Variants in DNAH6 observed in about 807,000 individuals in gnomAD.
DNAH6 encodes the protein dynein axonemal heavy chain 6.
Under a neutral mutation model 491.4 loss-of-function variants are expected in DNAH6, and 340 were observed. That is an observed-to-expected ratio of 0.69 (90% confidence interval 0.63 to 0.76). DNAH6 has a LOEUF of 0.76. Among genes scored for constraint, DNAH6 ranks in the 30% least tolerant of loss-of-function variants. DNAH6 has a pLI of 0.00. For missense variants in DNAH6, 4,443 were observed against 4,972.2 expected, an observed-to-expected ratio of 0.89 and a Z score of 3.20; for synonymous variants, 1,603 against 1,686.1, an observed-to-expected ratio of 0.95 and a Z score of 1.21.
At chr2:84,533,696 A>G (rs1257871397) in intron 4 of DNAH6, among the ~76,000 whole-genome samples, 2 of 152,204 alleles carry the variant, frequency 1.3e-5, no homozygotes, top group African/African-American at 4.8e-5. Flanking sequence ...AAATTTAACC[A>G]AAGAGCTGAT....
rs185058691 is a variant in DNAH6, at chr2:84,699,333, C to T, written c.7678-261C>T. 1.0e-3 allele frequency among the ~76,000 whole-genome samples: 153 copies of T among 152,290 alleles called. 1 individual carries two copies. The highest frequency in any genetic ancestry group is 3.6e-3 in the African/African-American group (148 of 41,576). On this transcript the variant is annotated intron_variant, in intron 47 of 76. Coordinates refer to ENST00000389394, the MANE Select transcript of DNAH6 (RefSeq NM_001370.2). ...ATGAATGGCCCTTTATTCAAAGGAT[C>T]TCCTCAAGTACACGGGTGAAAGGGA...
chr2:84,605,619 A>G, intron 20 of DNAH6, 27 bp downstream of exon 20: 2 of 1,455,552 alleles, frequency 1.4e-6, no homozygotes, highest in Non-Finnish European at 1.9e-6. Context: ...TTGAAAACTT[A>G]TGGTAAAGAT....
At chr2:84,764,010 A>G (rs796851249) in intron 64 of DNAH6, among the ~76,000 whole-genome samples, 87 of 152,308 alleles carry the variant, frequency 5.7e-4, no homozygotes, top group African/African-American at 2.0e-3. Flanking sequence ...CCTTTTTATT[A>G]TATTCAGGTC....
chr2:84,718,090 T>C, intron 58 of DNAH6, 114 bp from the exon 59 acceptor site: 1 of 865,844 alleles, frequency 1.2e-6, no homozygotes, highest in Non-Finnish European at 1.7e-6. Context: ...TCAGCATTAA[T>C]GCTCAGCTGA....
intron 29 of DNAH6, among the ~76,000 whole-genome samples, chr2:84,632,412 T>A (rs1573295949): frequency 2.0e-5 from 3 of 152,106 alleles, no homozygotes; most frequent in African/African-American, 7.2e-5. Flanking sequence ...AGAAAGAGGG[T>A]CATTTTTGAA....
intron 2 of DNAH6, among the ~76,000 whole-genome samples, chr2:84,518,619 A>G (rs531034376): frequency 2.6e-5 from 4 of 152,348 alleles, no homozygotes; most frequent in African/African-American, 9.6e-5. Flanking sequence ...TTCACTTGAC[A>G]AAAGTGTATC....
chr2:84,713,006 A>T (rs1697199602), intron 56 of DNAH6, 89 bp from the exon 57 acceptor site: 2 of 1,134,960 alleles, frequency 1.8e-6, no homozygotes, highest in African/African-American at 1.6e-5. Context: ...TTCACAGTAC[A>T]TTTTGAGGCC....
intron 62 of DNAH6, among the ~76,000 whole-genome samples, chr2:84,739,867 A>G (rs187565202): frequency 1.8e-4 from 27 of 152,154 alleles, no homozygotes; most frequent in African/African-American, 6.0e-4. Flanking sequence ...TCTGAATTCT[A>G]TATCTGTCAT....
chr2:84,794,105 G>A (rs898677160), intron 68 of DNAH6, among the ~76,000 whole-genome samples: 2 of 152,100 alleles, frequency 1.3e-5, no homozygotes, highest in Non-Finnish European at 2.9e-5. Context: ...AAATGGTGCT[G>A]GGAAAACTGG....
chr2:84,686,682 G>A, intron 44 of DNAH6, 125 bp downstream of exon 44: 1 of 586,740 alleles, frequency 1.7e-6, no homozygotes, highest in East Asian at 3.2e-5. Flanking sequence ...CCAGATGTCA[G>A]CAAACTATGG....
chr2:84,611,153 A>G lies in DNAH6; in HGVS notation c.3295-521A>G, dbSNP rs192029465. Among the ~76,000 whole-genome samples, 8 of 115,586 alleles carry G rather than the reference A, an allele frequency of 6.9e-5. No individual in the cohort carries two copies. The East Asian group carries it at 1.6e-3, about 23-fold the overall frequency. The allele number at this position is 115,586 out of a possible 152,430, so 75.8% of individuals were successfully genotyped here. On this transcript the variant is annotated intron_variant, in intron 21 of 76. Coordinates refer to ENST00000389394, the MANE Select transcript of DNAH6 (RefSeq NM_001370.2). ...TTTATTTTATTAACAGTGATTGTCT[A>G]AAAGCAGAGGGAATGCATGATTTTC...
rs147829367 is a variant in DNAH6, at chr2:84,538,826, T to C, written c.663-5407T>C. 6.6e-4 allele frequency among the ~76,000 whole-genome samples: 100 copies of C among 152,216 alleles called. 1 individual carries two copies. The highest frequency in any genetic ancestry group is 2.3e-3 in the African/African-American group (94 of 41,564). ...TTTCTAAACTTGTTAAAAGTACTTT[T>C]TAGGCAGCTTTTAAAATCTCACACT... is the stretch of plus-strand genomic sequence containing the variant. On this transcript the variant is annotated intron_variant, in intron 4 of 76. Transcript: ENST00000389394.
At chr2:84,545,948 G>A (rs1177434577) in intron 5 of DNAH6, among the ~76,000 whole-genome samples, 3 of 152,028 alleles carry the variant, frequency 2.0e-5, no homozygotes, top group Admixed American at 6.6e-5. Flanking sequence ...CACATCTGAA[G>A]TACACAATTC....
chr2:84,565,118 C>T (rs113384270), intron 11 of DNAH6, among the ~76,000 whole-genome samples: 3,580 of 152,104 alleles, frequency 0.024, 57 homozygotes, highest in Middle Eastern at 0.092. Context: ...TTTTTTGCAT[C>T]TATGTTCATC....
chr2:84,777,452 C>T (rs1009573390), intron 64 of DNAH6: 6 of 611,228 alleles, frequency 9.8e-6, no homozygotes, highest in East Asian at 6.0e-5. Flanking sequence ...TAGGTGCAAC[C>T]GCCTAAGATT....
chr2:84,625,040 T>G lies in DNAH6; in HGVS notation c.4492T>G (p.Cys1498Gly). The change falls in exon 29 of 77, where the codon TGT becomes GGT. Residue 1498 changes from cysteine (C) to glycine (G), a missense_variant. Transcript: ENST00000389394. ...ALAIQCVVFN[C>G]SDGLDYKMMG... is the part of the protein sequence containing the mutation. Reference sequence around the variant, plus strand: ...TGCCATCCAGTGTGTGGTCTTTAACTGTTCAGATGGTTTGGACTACAAGGT... The same window carrying G: ...TGCCATCCAGTGTGTGGTCTTTAACGGTTCAGATGGTTTGGACTACAAGGT... The G allele has an allele frequency of 6.5e-7, 1 of 1,547,752 alleles. No homozygotes were observed. Among genetic ancestry groups the G allele is most frequent in the Non-Finnish European group, 8.7e-7 (1 of 1,145,520 alleles).
At chr2:84,759,523 C>CA (rs1281715919) in intron 63 of DNAH6, among the ~76,000 whole-genome samples, 1 of 150,798 alleles carries the variant, frequency 6.6e-6, no homozygotes, top group African/African-American at 2.4e-5. Flanking sequence ...AGCAAACGAA[C>CA]AAAAAAAACC....
intron 7 of DNAH6, 94 bp from the exon 8 acceptor site, chr2:84,548,194 T>C: frequency 7.3e-7 from 1 of 1,362,492 alleles, no homozygotes; most frequent in Admixed American, 2.8e-5. Flanking sequence ...ATTTTGTTGT[T>C]TTTGAATTTT....
intron 4 of DNAH6, among the ~76,000 whole-genome samples, chr2:84,532,927 G>A (rs1677314647): frequency 6.6e-6 from 1 of 152,170 alleles, no homozygotes. Flanking sequence ...AAAGTGTGCT[G>A]ACAGGTATTT....
Sources: gnomAD v4.1 joint callset for allele counts (sites outside exome capture counted in the v4.1 genomes callset) on GRCh38, gnomAD v4.1.1 for gene constraint, MANE v1.5 for transcripts, NCBI Gene and HGNC (gene_info 2026-07-23, HGNC 2026-07-21) for gene names.